Variants in ARMH3 observed in about 807,000 individuals in gnomAD.
ARMH3 encodes armadillo-like helical domain-containing protein 3.
ARMH3 carries 60 observed loss-of-function variants against 99.1 expected under a neutral mutation model. That is an observed-to-expected ratio of 0.61 (90% CI 0.49 to 0.75). The LOEUF is 0.75. Ranked by LOEUF, ARMH3 falls within the 30% of genes least tolerant of loss-of-function variation. The pLI is 0.00. For missense variants in ARMH3, 679 were observed against 843.1 expected (o/e 0.81, Z 2.41); for synonymous variants, 285 against 292.8 (o/e 0.97, Z 0.27).
At chr10:101,971,050 CTG>C (rs1845747622) in intron 20 of ARMH3, among the ~76,000 whole-genome samples, 1 of 128,306 alleles carries the variant, frequency 7.8e-6, no homozygotes, top group Non-Finnish European at 1.6e-5. Flanking sequence ...TGAGCTGAGA[CTG>C]TGGCACTGCA....
chr10:101,990,663 T>C (rs1209125954), intron 18 of ARMH3, 52 bp from the exon 19 acceptor site: 2 of 1,461,028 alleles, frequency 1.4e-6, no homozygotes, highest in South Asian at 2.3e-5. Context: ...ATTCATTTCT[T>C]GTCTTTGAGT....
chr10:101,902,571 G>A (rs765744412), intron 23 of ARMH3, among the ~76,000 whole-genome samples: 3 of 152,012 alleles, frequency 2.0e-5, no homozygotes, highest in Admixed American at 6.5e-5. Context: ...TCATACGTGC[G>A]CACTTCTCTT....
At chr10:102,012,705 G>T in intron 10 of ARMH3, 128 bp downstream of exon 10, 5 of 814,744 alleles carry the variant, frequency 6.1e-6, no homozygotes, top group Non-Finnish European at 9.1e-6. Context: ...AAATACATCT[G>T]CCAGGGGCTG....
intron 15 of ARMH3, among the ~76,000 whole-genome samples, chr10:101,999,320 C>CA (rs1328462777): frequency 1.3e-5 from 2 of 151,974 alleles, no homozygotes; most frequent in Non-Finnish European, 2.9e-5. Flanking sequence ...GCCTCCCAAG[C>CA]AGCTGAGATT....
intron 23 of ARMH3, among the ~76,000 whole-genome samples, chr10:101,924,858 G>A (rs1369169312): frequency 6.6e-6 from 1 of 152,068 alleles, no homozygotes; most frequent in African/African-American, 2.4e-5. Flanking sequence ...GCTGGGTGTG[G>A]TGGCACGCAC....
intron 24 of ARMH3, among the ~76,000 whole-genome samples, chr10:101,859,613 A>G (rs1423682435): frequency 6.6e-6 from 1 of 152,250 alleles, no homozygotes; most frequent in African/African-American, 2.4e-5. Flanking sequence ...GGTGTGTTCA[A>G]TGTAGCGATG....
intron 24 of ARMH3, among the ~76,000 whole-genome samples, chr10:101,877,090 TCCCAGCTACTCAGCTGGGACTG>T: frequency 6.6e-6 from 1 of 152,056 alleles, no homozygotes; most frequent in East Asian, 1.9e-4. Flanking sequence ...ACACCTGTAG[TCCCAGCTACTCAGCTGGGACTG>T]GCAACACAGT....
At chr10:101,852,105 G>A (rs2066617173) in intron 24 of ARMH3, among the ~76,000 whole-genome samples, 1 of 152,224 alleles carries the variant, frequency 6.6e-6, no homozygotes, top group Non-Finnish European at 1.5e-5. Context: ...CCTGAAATCT[G>A]GGGAGCCTCA....
intron 22 of ARMH3, among the ~76,000 whole-genome samples, chr10:101,953,610 T>A (rs1844898177): frequency 6.7e-6 from 1 of 149,624 alleles, no homozygotes; most frequent in South Asian, 2.1e-4. Context: ...GATATATAGA[T>A]GGCAAATAAG....
intron 2 of ARMH3, among the ~76,000 whole-genome samples, chr10:102,036,622 A>C (rs1056829663): frequency 6.6e-5 from 10 of 152,064 alleles, no homozygotes; most frequent in Non-Finnish European, 7.4e-5. Context: ...CTCAGGGTTA[A>C]ATGGATTAAG....
intron 20 of ARMH3, among the ~76,000 whole-genome samples, chr10:101,960,334 A>G (rs532424790): frequency 5.3e-5 from 8 of 152,294 alleles, no homozygotes; most frequent in South Asian, 2.1e-4. Context: ...TGCACTCACT[A>G]TATCAACTGT....
chr10:101,872,005 GA>G (rs1451665502), intron 24 of ARMH3, among the ~76,000 whole-genome samples: 1 of 151,462 alleles, frequency 6.6e-6, no homozygotes, highest in East Asian at 1.9e-4. Context: ...CAAAAAAAAA[GA>G]AAAAAAGAAA....
intron 24 of ARMH3, among the ~76,000 whole-genome samples, chr10:101,860,327 A>C (rs968303883): frequency 6.6e-6 from 1 of 152,180 alleles, no homozygotes; most frequent in African/African-American, 2.4e-5. Context: ...AATTCAAAAA[A>C]TTCAGTTGGG....
chr10:101,965,204 A>G (rs1284272248), intron 20 of ARMH3, among the ~76,000 whole-genome samples: 1 of 152,348 alleles, frequency 6.6e-6, no homozygotes, highest in Admixed American at 6.5e-5. Flanking sequence ...AAAGAAAAAC[A>G]AAAGGTCAAT....
intron 22 of ARMH3, among the ~76,000 whole-genome samples, chr10:101,945,886 C>G (rs1326876986): frequency 1.3e-5 from 2 of 151,240 alleles, no homozygotes; most frequent in Non-Finnish European, 2.9e-5. Context: ...AATTCGAGAC[C>G]AACCTGGCCA....
Position 101,935,174 on chromosome 10 carries a change from A to AATATACATATATATATAT in ARMH3, c.1781+4688_1781+4689insATATATATATATGTATAT, listed in dbSNP as rs1843903332. On this transcript the variant is annotated intron_variant, in intron 23 of 25. Coordinates refer to ENST00000370033, the MANE Select transcript of ARMH3 (RefSeq NM_024541.3). ...AGAAGCGGAATCTCAAAGGTGGAGCAATATATATATATATATATATATATA... is the reference window on the plus strand; with the variant it reads ...AGAAGCGGAATCTCAAAGGTGGAGCAATATACATATATATATATATATATATATATATATATATATATA... 3.4e-5 allele frequency among the ~76,000 whole-genome samples: 4 copies of AATATACATATATATATAT among 117,154 alleles called. No individual in the cohort carries two copies. The East Asian group carries it at 1.5e-3, about 43-fold the overall frequency. 76.9% of individuals were successfully genotyped at this position (117,154 alleles called of 152,430 possible). A position where few individuals can be genotyped will look rare whatever the true frequency, so the allele number is the denominator to read the frequency against.
At chr10:101,987,926 A>G (rs1012178726) in intron 19 of ARMH3, among the ~76,000 whole-genome samples, 2 of 152,154 alleles carry the variant, frequency 1.3e-5, no homozygotes, top group African/African-American at 4.8e-5. Context: ...CCACTTCTGC[A>G]TTCTTCTCTT....
intron 23 of ARMH3, among the ~76,000 whole-genome samples, chr10:101,892,294 A>G (rs925238679): frequency 1.1e-4 from 16 of 151,752 alleles, no homozygotes; most frequent in Non-Finnish European, 1.9e-4. Context: ...AATAAAAATA[A>G]TAATAATAAT....
chr10:101,939,214 T>C (rs1001928930), intron 23 of ARMH3, among the ~76,000 whole-genome samples: 1 of 152,184 alleles, frequency 6.6e-6, no homozygotes, highest in African/African-American at 2.4e-5. Context: ...AAATGAAAAA[T>C]CAAAGGCACA....
Sources: gnomAD v4.1 joint callset for allele counts (sites outside exome capture counted in the v4.1 genomes callset) on GRCh38, gnomAD v4.1.1 for gene constraint, MANE v1.5 for transcripts, NCBI Gene and HGNC (gene_info 2026-07-23, HGNC 2026-07-21) for gene names.